The following BTBD9 variants were observed in gnomAD, a reference collection of about 807,000 sequenced individuals.
BTBD9 encodes BTB/POZ domain-containing protein 9.
Under a neutral mutation model 64.3 loss-of-function variants are expected in BTBD9, and 49 were observed. The ratio of observed to expected loss-of-function variants is 0.76; its 90% CI spans 0.61 to 0.97. The LOEUF is 0.97. Ranked by LOEUF, BTBD9 falls within the 50% of genes least tolerant of loss-of-function variation. The pLI, the probability that BTBD9 is intolerant of heterozygous loss-of-function variation, is 0.00. For synonymous variants in BTBD9, 260 were observed against 274.7 expected (o/e 0.95, Z 0.53); for missense variants, 598 against 762.1 (o/e 0.78, Z 2.53).
chr6:38,291,339 G>C (rs575413427), intron 7 of BTBD9, among the ~76,000 whole-genome samples: 5 of 152,190 alleles, frequency 3.3e-5, no homozygotes, highest in Non-Finnish European at 7.3e-5. Flanking sequence ...TTTGCACATT[G>C]ATTTTGTAAC....
intron 9 of BTBD9, among the ~76,000 whole-genome samples, chr6:38,243,576 G>C (rs530851910): frequency 4.9e-4 from 74 of 152,140 alleles, no homozygotes; most frequent in Admixed American, 1.5e-3. Context: ...AAGATGAAAG[G>C]GTATAACAGA....
intron 6 of BTBD9, among the ~76,000 whole-genome samples, chr6:38,513,016 T>A (rs941798362): frequency 3.3e-5 from 5 of 152,172 alleles, no homozygotes; most frequent in African/African-American, 1.2e-4. Context: ...GACCATACAC[T>A]CCTAGTATAA....
intron 6 of BTBD9, among the ~76,000 whole-genome samples, chr6:38,423,383 C>T (rs1016137710): frequency 3.3e-5 from 5 of 152,090 alleles, no homozygotes; most frequent in African/African-American, 9.7e-5. Context: ...CAGCTCACTG[C>T]CACTTCCGCC....
rs1176704604 is a variant in BTBD9, at chr6:38,565,510, T to A, written c.1154+12090A>T. ...TGATCAAAACTCTATCCTTTGAGGC[T>A]AACTCGACTTTCATCTTTTCTATGA... is the stretch of plus-strand genomic sequence containing the variant. On this transcript the variant is annotated intron_variant, in intron 6 of 10. Transcript: ENST00000481247. Among the ~76,000 whole-genome samples the A allele has an allele frequency of 3.4e-5, 5 of 149,118 alleles. No individual in the cohort carries two copies. The East Asian group carries it at 9.6e-4, about 29-fold the overall frequency.
At chr6:38,262,124 C>T (rs957750171) in intron 8 of BTBD9, among the ~76,000 whole-genome samples, 1 of 152,172 alleles carries the variant, frequency 6.6e-6, no homozygotes, top group Non-Finnish European at 1.5e-5. Flanking sequence ...TGTCTTTGTG[C>T]CTGCAACAAC....
In BTBD9 at chr6:38,597,926, T is replaced by A; in HGVS notation, c.169A>T (p.Arg57Trp). 1 of 1,613,908 alleles carries A rather than the reference T, an allele frequency of 6.2e-7. No individual in the cohort carries two copies. The highest frequency in any genetic ancestry group is 8.5e-7 in the Non-Finnish European group (1 of 1,179,856). Reference sequence around the variant, plus strand: ...CACACTTACCGAAAATATTGGCACCTGGCTGCTAAAATTACCCTGTGGGCA... The same window carrying A: ...CACACTTACCGAAAATATTGGCACCAGGCTGCTAAAATTACCCTGTGGGCA... ...FPAHRVILAA[R>W]CQYFRALLYG... The change falls in exon 2 of 11, where the codon AGG becomes TGG. Residue 57 changes from arginine (R) to tryptophan (W), a missense_variant. Physicochemically the swap from Arg to Trp is moderately radical, Grantham distance 101 (BLOSUM62 -3). Coordinates refer to ENST00000481247, the MANE Select transcript of BTBD9 (RefSeq NM_001099272.2).
chr6:38,574,612 C>T (rs902912637), intron 6 of BTBD9, among the ~76,000 whole-genome samples: 1 of 152,170 alleles, frequency 6.6e-6, no homozygotes. Flanking sequence ...TGAGTCCCTC[C>T]TTTCTGCCAG....
At chr6:38,410,119 T>A (rs980770467) in intron 6 of BTBD9, among the ~76,000 whole-genome samples, 1 of 152,220 alleles carries the variant, frequency 6.6e-6, no homozygotes, top group East Asian at 1.9e-4. Context: ...TATTTGAATA[T>A]GTTTACATAG....
chr6:38,638,548 T>C (rs1778607699), intron 1 of BTBD9, among the ~76,000 whole-genome samples: 1 of 152,248 alleles, frequency 6.6e-6, no homozygotes, highest in Non-Finnish European at 1.5e-5. Context: ...ATGACTCCTG[T>C]CCTAAAAGCT....
chr6:38,472,162 A>G (rs1295104036), intron 6 of BTBD9, among the ~76,000 whole-genome samples: 1 of 152,174 alleles, frequency 6.6e-6, no homozygotes, highest in Admixed American at 6.5e-5. Flanking sequence ...TCCGCTAAAT[A>G]TATGCTGCAA....
chr6:38,294,529 A>T (rs1213283629), intron 7 of BTBD9, among the ~76,000 whole-genome samples: 1 of 152,146 alleles, frequency 6.6e-6, no homozygotes. Flanking sequence ...GGAAATCATC[A>T]CTCTCAGCAA....
At chr6:38,350,229 A>G (rs1051179855) in intron 6 of BTBD9, among the ~76,000 whole-genome samples, 2 of 152,242 alleles carry the variant, frequency 1.3e-5, no homozygotes, top group African/African-American at 4.8e-5. Context: ...ATTTCACAGC[A>G]TTCTCTGCCT....
intron 8 of BTBD9, among the ~76,000 whole-genome samples, chr6:38,273,715 T>C (rs897009100): frequency 6.6e-6 from 1 of 152,060 alleles, no homozygotes; most frequent in African/African-American, 2.4e-5. Context: ...AGTTAGAAAT[T>C]GGTTTCATTA....
At chr6:38,315,925 A>G (rs1248000736) in intron 7 of BTBD9, among the ~76,000 whole-genome samples, 1 of 152,180 alleles carries the variant, frequency 6.6e-6, no homozygotes, top group Non-Finnish European at 1.5e-5. Context: ...GTCTCTAGCT[A>G]TCATTGTATT....
intron 1 of BTBD9, among the ~76,000 whole-genome samples, chr6:38,639,188 C>A (rs1175696663): frequency 6.6e-6 from 1 of 152,204 alleles, no homozygotes; most frequent in Non-Finnish European, 1.5e-5. Context: ...TCTGTAACAA[C>A]AATGTACTAA....
intron 6 of BTBD9, among the ~76,000 whole-genome samples, chr6:38,553,086 T>C (rs891686142): frequency 2.0e-5 from 3 of 152,238 alleles, no homozygotes; most frequent in African/African-American, 7.2e-5. Context: ...GTAAATGCTA[T>C]GTATATAGTT....
At position 38,570,165 on chromosome 6, in the gene BTBD9, G is replaced by C. The variant is rs147275080; in HGVS notation, c.1154+7435C>G. On this transcript the variant is annotated intron_variant, in intron 6 of 10. Transcript: ENST00000481247. Reference sequence around the variant, plus strand: ...CATCATCATTATTAGTATAATGTGTGTGTAGTCTGGGTGGCTGTGACCAGC... The same window carrying C: ...CATCATCATTATTAGTATAATGTGTCTGTAGTCTGGGTGGCTGTGACCAGC... Among the ~76,000 whole-genome samples the C allele has an allele frequency of 2.6e-3, 389 of 152,260 alleles. 1 individual carries two copies. Among genetic ancestry groups the C allele is most frequent in the African/African-American group, 8.7e-3 (362 of 41,542 alleles).
chr6:38,288,522 T>C lies in BTBD9; in HGVS notation c.1265-61A>G, dbSNP rs963302477. On this transcript the variant is annotated intron_variant, in intron 7 of 10. Coordinates refer to ENST00000481247, the MANE Select transcript of BTBD9 (RefSeq NM_001099272.2). ...AGAGAAGCCAAATATATCTCTATAG[T>C]GTGCTCAGAACAAAATTAATTAATT... is the stretch of plus-strand genomic sequence containing the variant. 6 of 1,386,842 alleles carry C rather than the reference T, an allele frequency of 4.3e-6. No individual in the cohort carries two copies. In the African/African-American group the frequency reaches 5.7e-5, roughly 13 times the overall value. The allele number at this position is 1,386,842 out of a possible 1,614,324, so 85.9% of individuals were successfully genotyped here.
chr6:38,440,629 A>G (rs1369376028), intron 6 of BTBD9, among the ~76,000 whole-genome samples: 1 of 152,242 alleles, frequency 6.6e-6, no homozygotes, highest in Non-Finnish European at 1.5e-5. Context: ...AATTGTAAAA[A>G]GCAAGCAACA....
Sources: gnomAD v4.1 joint callset for allele counts (sites outside exome capture counted in the v4.1 genomes callset) on GRCh38, gnomAD v4.1.1 for gene constraint, MANE v1.5 for transcripts, NCBI Gene and HGNC (gene_info 2026-07-23, HGNC 2026-07-21) for gene names.